Variants in PLCH1 observed in about 807,000 individuals in gnomAD.
PLCH1 encodes 1-phosphatidylinositol 4,5-bisphosphate phosphodiesterase eta-1.
A neutral mutation model predicts 126.7 loss-of-function variants in PLCH1; 60 were observed. The observed-to-expected ratio is 0.47, with a 90% CI of 0.38 to 0.59. The LOEUF (loss-of-function observed/expected upper bound fraction) is 0.59. Among genes scored for constraint, PLCH1 ranks in the 20% least tolerant of loss-of-function variants. The pLI is 0.00. For synonymous variants in PLCH1, 719 were observed against 734.9 expected (o/e 0.98, Z 0.35); for missense variants, 1,723 against 2,040.0 (o/e 0.84, Z 2.99).
chr3:155,713,745 A>G (rs2109112599), intron 1 of PLCH1, among the ~76,000 whole-genome samples: 1 of 152,302 alleles, frequency 6.6e-6, no homozygotes, highest in Non-Finnish European at 1.5e-5. Context: ...CAATCTCTTC[A>G]CAACCCTGTG....
At chr3:155,647,154 A>G (rs750209914) in intron 2 of PLCH1, among the ~76,000 whole-genome samples, 1 of 152,174 alleles carries the variant, frequency 6.6e-6, no homozygotes, top group Non-Finnish European at 1.5e-5. Context: ...CGTATCATGC[A>G]GGGCCAACCC....
chr3:155,615,045 G>C (rs1477110970), intron 2 of PLCH1, among the ~76,000 whole-genome samples: 1 of 151,756 alleles, frequency 6.6e-6, no homozygotes, highest in Non-Finnish European at 1.5e-5. Context: ...TCCAACGAAG[G>C]ACTAATATCC....
intron 10 of PLCH1, among the ~76,000 whole-genome samples, chr3:155,533,025 A>G (rs1238924054): frequency 6.6e-6 from 1 of 152,218 alleles, no homozygotes; most frequent in Non-Finnish European, 1.5e-5. Flanking sequence ...ATGTGAACAA[A>G]GAAGTCCAGG....
At chr3:155,485,266 C>G (rs1175511022) in intron 22 of PLCH1, 90 bp downstream of exon 22, 6 of 776,530 alleles carry the variant, frequency 7.7e-6, no homozygotes, top group Admixed American at 7.7e-5. Context: ...TTTACTTTGA[C>G]TACAGAATGT....
At chr3:155,628,356 G>GCAAA (rs1737607590) in intron 2 of PLCH1, among the ~76,000 whole-genome samples, 1 of 98,158 alleles carries the variant, frequency 1.0e-5, no homozygotes. Context: ...CTATGCCCAG[G>GCAAA]AAAAAAAAAA....
At chr3:155,541,607 G>A (rs906492511) in intron 10 of PLCH1, among the ~76,000 whole-genome samples, 2 of 152,120 alleles carry the variant, frequency 1.3e-5, no homozygotes, top group Non-Finnish European at 2.9e-5. Context: ...TATATAGGCA[G>A]GGATTATGCC....
chr3:155,458,522 A>G (rs1469572580), intron 21 of PLCH1, among the ~76,000 whole-genome samples: 23 of 146,632 alleles, frequency 1.6e-4, no homozygotes, highest in African/African-American at 5.8e-4. Context: ...AGAAATAAGA[A>G]AGAGAAAGAA....
chr3:155,540,688 T>C (rs768618688), intron 10 of PLCH1, among the ~76,000 whole-genome samples: 2 of 151,972 alleles, frequency 1.3e-5, no homozygotes, highest in Non-Finnish European at 2.9e-5. Context: ...AAAACCACAA[T>C]GCAATACCAA....
At chr3:155,640,028 C>G (rs1192505450) in intron 2 of PLCH1, among the ~76,000 whole-genome samples, 3 of 152,218 alleles carry the variant, frequency 2.0e-5, no homozygotes, top group Non-Finnish European at 4.4e-5. Flanking sequence ...TTCTGTACAG[C>G]CTGCAGAACT....
At chr3:155,604,040 G>A (rs773578835) in intron 2 of PLCH1, among the ~76,000 whole-genome samples, 12 of 152,066 alleles carry the variant, frequency 7.9e-5, no homozygotes, top group Non-Finnish European at 1.5e-4. Flanking sequence ...TTGAGGCTGC[G>A]GTGAGCTGTG....
chr3:155,566,272 CATATAT>C (rs1553839284), intron 7 of PLCH1, among the ~76,000 whole-genome samples: 1 of 27,660 alleles, frequency 3.6e-5, no homozygotes, highest in Non-Finnish European at 9.1e-5. Context: ...CATATATATA[CATATAT>C]ACATATATAT....
intron 2 of PLCH1, among the ~76,000 whole-genome samples, chr3:155,600,989 T>C (rs13317911): frequency 0.2 from 31,051 of 152,164 alleles, 4,079 homozygotes; most frequent in African/African-American, 0.37. Context: ...AAGGTCTTTT[T>C]TTTTAGACGG....
At chr3:155,564,868 G>T in intron 8 of PLCH1, 47 bp downstream of exon 8, 1 of 1,236,092 alleles carries the variant, frequency 8.1e-7, no homozygotes, top group Non-Finnish European at 1.2e-6. Context: ...ACTGATTAAA[G>T]GACAGGGTCA....
chr3:155,511,664 GGGGGTCA>G (rs1329247483), intron 12 of PLCH1, among the ~76,000 whole-genome samples: 2 of 140,712 alleles, frequency 1.4e-5, no homozygotes, highest in Admixed American at 6.9e-5. Context: ...TAGGCTGCTC[GGGGGTCA>G]GGGGTCAGGG....
Position 155,658,488 on chromosome 3 carries a change from C to T in PLCH1, c.79+45658G>A, listed in dbSNP as rs566058818. 7 of 154,130 alleles carry T rather than the reference C, an allele frequency of 4.5e-5. No individual in the cohort carries two copies. In the South Asian group the frequency reaches 6.0e-4, roughly 13 times the overall value. The allele number at this position is 154,130 out of a possible 1,614,324, so 9.5% of individuals were successfully genotyped here. On this transcript the variant is annotated intron_variant, in intron 2 of 22. Transcript: ENST00000460012. ...TCTCCAACACAGAAAAAGAGAAATA[C>T]GAGATTACAGAACGGTGCAAGTTTG...
chr3:155,469,227 T>C (rs1009312448), intron 21 of PLCH1, among the ~76,000 whole-genome samples: 4 of 152,066 alleles, frequency 2.6e-5, no homozygotes, highest in Admixed American at 2.6e-4. Flanking sequence ...GCGCACCGTG[T>C]GCGAGCCGAA....
At chr3:155,474,692 G>A (rs1713444441) in intron 21 of PLCH1, among the ~76,000 whole-genome samples, 1 of 127,242 alleles carries the variant, frequency 7.9e-6, no homozygotes, top group Non-Finnish European at 1.6e-5. Context: ...GTCCATCAAT[G>A]ATAGACTGGA....
intron 18 of PLCH1, among the ~76,000 whole-genome samples, chr3:155,491,509 C>T (rs1716196685): frequency 6.6e-6 from 1 of 152,124 alleles, no homozygotes. Context: ...GCAATCTGCC[C>T]ACCTCAGCCT....
At chr3:155,734,073 A>G (rs1179141783) in intron 1 of PLCH1, among the ~76,000 whole-genome samples, 1 of 151,542 alleles carries the variant, frequency 6.6e-6, no homozygotes, top group Non-Finnish European at 1.5e-5. Flanking sequence ...CAAAAAGACA[A>G]AAAGTAAGTG....
Sources: allele counts gnomAD v4.1 joint callset (sites outside exome capture counted in the v4.1 genomes callset), GRCh38; gene constraint gnomAD v4.1.1; transcripts MANE v1.5; gene names NCBI Gene and HGNC (gene_info 2026-07-23, HGNC 2026-07-21).